Variants in CDC42BPA observed in about 807,000 individuals in gnomAD.
The protein encoded by CDC42BPA is serine/threonine-protein kinase MRCK alpha.
CDC42BPA carries 80 observed loss-of-function variants against 223.5 expected under a neutral mutation model. The ratio of observed to expected loss-of-function variants is 0.36; its 90% CI spans 0.30 to 0.43. CDC42BPA has a LOEUF of 0.43. CDC42BPA is among the 20% of genes least tolerant of loss of function. CDC42BPA has a pLI of 1.00. For synonymous variants in CDC42BPA, 694 were observed against 718.6 expected, an observed-to-expected ratio of 0.97 and a Z score of 0.55; for missense variants, 1,743 against 2,099.9, an observed-to-expected ratio of 0.83 and a Z score of 3.32.
intron 11 of CDC42BPA, among the ~76,000 whole-genome samples, chr1:227,125,371 G>C (rs968225395): frequency 2.0e-5 from 3 of 151,952 alleles, no homozygotes; most frequent in African/African-American, 7.3e-5. Flanking sequence ...CAGCACTTTG[G>C]AAAGCTGAGG....
intron 3 of CDC42BPA, among the ~76,000 whole-genome samples, chr1:227,206,097 G>A (rs1233238468): frequency 6.6e-6 from 1 of 152,214 alleles, no homozygotes; most frequent in East Asian, 1.9e-4. Context: ...TAACTCTCAA[G>A]ACAGTGAGTG....
intron 35 of CDC42BPA, among the ~76,000 whole-genome samples, chr1:227,001,479 G>A (rs193299443): frequency 1.5e-3 from 225 of 152,318 alleles, no homozygotes; most frequent in Non-Finnish European, 2.8e-3. Context: ...CACTTCTAAG[G>A]AGATGGGCTG....
rs567303363 is a variant in CDC42BPA at position 227,094,554 on chromosome 1, T to C, written c.2250-2563A>G. Among the ~76,000 whole-genome samples the C allele has an allele frequency of 6.6e-5, 10 of 152,338 alleles. No homozygotes were observed. The East Asian group carries it at 1.9e-3, about 29-fold the overall frequency. On this transcript the variant is annotated intron_variant, in intron 15 of 36. Transcript: ENST00000366766. ...CTCCTCAAGGTAACCTGGAAGTGTG[T>C]TCCTGGCAGCTGTCCTCACTTTGGC... is the stretch of plus-strand genomic sequence containing the variant.
intron 2 of CDC42BPA, among the ~76,000 whole-genome samples, chr1:227,246,769 C>T (rs1008697204): frequency 6.6e-6 from 1 of 152,200 alleles, no homozygotes; most frequent in African/African-American, 2.4e-5. Context: ...CCTAACTCTT[C>T]AATGTCCAGA....
intron 5 of CDC42BPA, among the ~76,000 whole-genome samples, chr1:227,168,075 G>A (rs999529269): frequency 1.3e-5 from 2 of 151,860 alleles, no homozygotes; most frequent in East Asian, 1.9e-4. Flanking sequence ...ACAGGTGCCC[G>A]CCACTAAGCC....
intron 1 of CDC42BPA, among the ~76,000 whole-genome samples, chr1:227,257,986 G>A (rs1683386404): frequency 1.3e-5 from 2 of 150,436 alleles, no homozygotes; most frequent in South Asian, 2.1e-4. Context: ...CGTGGGCAAC[G>A]TGGCAAAACT....
At chr1:227,045,918 C>G (rs571616680) in intron 23 of CDC42BPA, among the ~76,000 whole-genome samples, 1 of 152,160 alleles carries the variant, frequency 6.6e-6, no homozygotes, top group South Asian at 2.1e-4. Context: ...GTGATCCTCC[C>G]TCCTCAACCC....
At chr1:227,100,747 A>AGTGTGTGTGTGTGTGTGT (rs57210205) in intron 15 of CDC42BPA, among the ~76,000 whole-genome samples, 5,504 of 137,256 alleles carry the variant, frequency 0.04, 165 homozygotes, top group Non-Finnish European at 0.062. Flanking sequence ...ATACCCAGCT[A>AGTGTGTGTGTGTGTGTGT]GTGTGTGTGT....
At position 227,160,527 on chromosome 1, in the gene CDC42BPA, A is replaced by T; in HGVS notation, c.693+16T>A. ...ATGTCTGTGAACAAAATAATTTAGG[A>T]TTTATCTTTATTTACCGTTCCATCT... On this transcript the variant is annotated intron_variant, in intron 6 of 36. Transcript: ENST00000366766. 6.8e-7 allele frequency: 1 copy of T among 1,461,020 alleles called. No homozygotes were observed. The highest frequency in any genetic ancestry group is 9.6e-7 in the Non-Finnish European group (1 of 1,041,614). 90.5% of individuals were successfully genotyped at this position (1,461,020 alleles called of 1,614,324 possible). A position where few individuals can be genotyped will look rare whatever the true frequency, so the allele number is the denominator to read the frequency against.
chr1:227,249,034 G>C (rs935905689), intron 2 of CDC42BPA, among the ~76,000 whole-genome samples: 1 of 152,060 alleles, frequency 6.6e-6, no homozygotes, highest in Admixed American at 6.6e-5. Flanking sequence ...GACTTCAAAT[G>C]ATACTACAGA....
At chr1:227,217,831 TTC>T (rs1036084238) in intron 2 of CDC42BPA, among the ~76,000 whole-genome samples, 4 of 152,072 alleles carry the variant, frequency 2.6e-5, no homozygotes, top group Non-Finnish European at 5.9e-5. Flanking sequence ...CCACACAACT[TTC>T]TCTCTCACTC....
chr1:227,122,727 C>A (rs938462195), intron 11 of CDC42BPA, among the ~76,000 whole-genome samples: 2 of 152,118 alleles, frequency 1.3e-5, no homozygotes, highest in Admixed American at 6.6e-5. Context: ...TTAATAAAAT[C>A]CTCCATTATG....
At chr1:227,088,363 A>G (rs888756233) in intron 16 of CDC42BPA, among the ~76,000 whole-genome samples, 3 of 152,222 alleles carry the variant, frequency 2.0e-5, no homozygotes, top group African/African-American at 7.2e-5. Context: ...GTACATTGAC[A>G]CATTTGACTT....
rs4653821 is a variant in CDC42BPA at position 227,316,830 on chromosome 1, C to A, written c.178+175G>T. Among the ~76,000 whole-genome samples, 6 of 152,128 alleles carry A rather than the reference C, an allele frequency of 3.9e-5. 1 individual carries two copies. The highest frequency in any genetic ancestry group is 4.2e-4 in the South Asian group (2 of 4,818). ...AAGGCAACAATTGAGCAGCACAATTCTACTCCTGGGAAAATATTTACCAAA... is the reference window on the plus strand; with the variant it reads ...AAGGCAACAATTGAGCAGCACAATTATACTCCTGGGAAAATATTTACCAAA... On this transcript the variant is annotated intron_variant, in intron 1 of 36. Transcript: ENST00000366766.
At chr1:227,048,517 T>C (rs946046632) in intron 22 of CDC42BPA, among the ~76,000 whole-genome samples, 5 of 152,008 alleles carry the variant, frequency 3.3e-5, no homozygotes, top group African/African-American at 1.2e-4. Flanking sequence ...GTGCAGAAAT[T>C]AATTTCCAAA....
chr1:227,050,841 T>C (rs1558379510), intron 22 of CDC42BPA, among the ~76,000 whole-genome samples: 1 of 152,138 alleles, frequency 6.6e-6, no homozygotes, highest in African/African-American at 2.4e-5. Flanking sequence ...TGGGGAACGG[T>C]ATACACGAGG....
At chr1:227,097,048 A>T (rs994015693) in intron 15 of CDC42BPA, among the ~76,000 whole-genome samples, 6 of 152,134 alleles carry the variant, frequency 3.9e-5, no homozygotes, top group Admixed American at 6.6e-5. Context: ...GGATCGAGTA[A>T]GGCCAACCCC....
intron 2 of CDC42BPA, among the ~76,000 whole-genome samples, chr1:227,219,889 TAAC>T (rs1252884272): frequency 2.6e-5 from 4 of 152,198 alleles, no homozygotes; most frequent in Non-Finnish European, 5.9e-5. Flanking sequence ...TGTCTTGAAA[TAAC>T]AGAGTTAATT....
chr1:227,116,273 C>T (rs756350189), intron 12 of CDC42BPA, among the ~76,000 whole-genome samples: 3 of 152,092 alleles, frequency 2.0e-5, no homozygotes, highest in Non-Finnish European at 4.4e-5. Flanking sequence ...AGTCTACAAA[C>T]GTAGTTCACC....
Sources: allele counts gnomAD v4.1 joint callset (sites outside exome capture counted in the v4.1 genomes callset), GRCh38; gene constraint gnomAD v4.1.1; transcripts MANE v1.5; gene names NCBI Gene and HGNC (gene_info 2026-07-23, HGNC 2026-07-21).